TMEM164: variants seen among roughly 807,000 people sequenced by gnomAD.
TMEM164 encodes the protein transmembrane protein 164.
In TMEM164, 4 loss-of-function variants were observed where a neutral mutation model predicts 18.8. The ratio of observed to expected loss-of-function variants is 0.21; its 90% CI spans 0.10 to 0.49. The LOEUF is 0.49. Among genes scored for constraint, TMEM164 ranks in the 20% least tolerant of loss-of-function variants. TMEM164 has a pLI of 0.98. For missense variants in TMEM164, 108 were observed against 239.9 expected (o/e 0.45, Z 3.63); for synonymous variants, 86 against 101.7 (o/e 0.85, Z 0.93).
chrX:110,023,648 A>G (rs1234950734), intron 2 of TMEM164, among the ~76,000 whole-genome samples: 1 of 111,614 alleles, frequency 9.0e-6, no homozygotes, highest in Non-Finnish European at 1.9e-5. Flanking sequence ...TGTGGAATAG[A>G]TGCTATTATT....
At chrX:110,040,098 T>G (rs1472064441) in intron 2 of TMEM164, among the ~76,000 whole-genome samples, 1 of 112,250 alleles carries the variant, frequency 8.9e-6, no homozygotes, top group East Asian at 2.8e-4. Context: ...CTCTAAGGCA[T>G]TCTCTCCAAA....
chrX:110,178,631 G>A (rs2067311375), downstream of TMEM164, among the ~76,000 whole-genome samples: 1 of 112,282 alleles, frequency 8.9e-6, no homozygotes, highest in Non-Finnish European at 1.9e-5. Flanking sequence ...AATGAGGCAG[G>A]GTCTTGCAAT....
intron 4 of TMEM164, among the ~76,000 whole-genome samples, chrX:110,116,523 A>G (rs763779131): frequency 8.9e-6 from 1 of 112,213 alleles, no homozygotes; most frequent in Non-Finnish European, 1.9e-5. Context: ...TCAACTAAGT[A>G]TTGAGATTCT....
rs183204376 is a variant in TMEM164 at position 110,127,697 on chromosome X, A to T, written c.508-17101A>T. 2.1e-4 allele frequency among the ~76,000 whole-genome samples: 24 copies of T among 112,145 alleles called. No homozygotes were observed. In the East Asian group the frequency reaches 6.5e-3, roughly 30 times the overall value. On this transcript the variant is annotated intron_variant, in intron 4 of 6. Coordinates refer to ENST00000372068, the MANE Select transcript of TMEM164 (RefSeq NM_032227.4). ...GGGGGAAAGGAACAGCAAGTAGTCC[A>T]GGTAGAGGAAGAGCTAGGGTCCCCA...
chrX:110,182,160 A>G (rs1054896742), downstream of TMEM164: 3 of 111,939 alleles, frequency 2.7e-5, no homozygotes, highest in Non-Finnish European at 5.6e-5. Flanking sequence ...ATTAGAGTCA[A>G]TGAAATACTG....
At chrX:110,025,428 C>G (rs1428601362) in intron 2 of TMEM164, among the ~76,000 whole-genome samples, 2 of 111,750 alleles carry the variant, frequency 1.8e-5, no homozygotes, top group Non-Finnish European at 3.8e-5. Flanking sequence ...CAGATGGCAT[C>G]AAAACCCAAG....
At chrX:110,073,985 C>G (rs2065634431) in intron 3 of TMEM164, among the ~76,000 whole-genome samples, 1 of 110,892 alleles carries the variant, frequency 9.0e-6, no homozygotes, top group South Asian at 3.8e-4. Context: ...CCAAGTGATT[C>G]TCCTGCGTCA....
rs529191542 is a variant in TMEM164, at chrX:110,055,745, A to G, written c.391-11602A>G. On this transcript the variant is annotated intron_variant, in intron 2 of 6. Transcript: ENST00000372068. ...GCTTTGTGAAAGAAGTAGAATATTA[A>G]CATGTGAAGATGAGTCAGGAGGAGA... Among the ~76,000 whole-genome samples, 37 of 111,432 alleles carry G rather than the reference A, an allele frequency of 3.3e-4. No individual in the cohort carries two copies. In the South Asian group the frequency reaches 0.014, roughly 42 times the overall value.
intron 2 of TMEM164, among the ~76,000 whole-genome samples, chrX:110,054,663 C>T (rs1486155231): frequency 1.8e-5 from 2 of 111,703 alleles, no homozygotes; most frequent in Non-Finnish European, 3.8e-5. Flanking sequence ...GCTAGTTGGC[C>T]AGCTGCTCTG....
At chrX:110,015,179 C>A (rs957615266) in intron 2 of TMEM164, among the ~76,000 whole-genome samples, 3 of 111,565 alleles carry the variant, frequency 2.7e-5, no homozygotes, top group Non-Finnish European at 3.8e-5. Context: ...GGGCCTAGAC[C>A]TTGATCATGT....
Position 110,071,134 on chromosome X carries a change from T to G in TMEM164, c.440+3738T>G, listed in dbSNP as rs974827637. Among the ~76,000 whole-genome samples, 3 of 103,868 alleles carry G rather than the reference T, an allele frequency of 2.9e-5. No individual in the cohort carries two copies. The East Asian group carries it at 9.3e-4, about 32-fold the overall frequency. 90.2% of individuals were successfully genotyped at this position (103,868 alleles called of 115,157 possible). On this transcript the variant is annotated intron_variant, in intron 3 of 6. Transcript: ENST00000372068. The stretch of plus-strand genomic sequence containing the variant: ...ATTATACTTAAGTAGTTTTTACATT[T>G]ATGTAGAGATTTTTAAATATTTATT...
At chrX:110,048,585 G>A (rs1335293683) in intron 2 of TMEM164, among the ~76,000 whole-genome samples, 1 of 109,769 alleles carries the variant, frequency 9.1e-6, no homozygotes, top group East Asian at 2.8e-4. Flanking sequence ...CAAGTCCATA[G>A]CAGCTGTTTT....
At chrX:110,153,141 C>T (rs1379215862) in intron 5 of TMEM164, among the ~76,000 whole-genome samples, 1 of 111,930 alleles carries the variant, frequency 8.9e-6, no homozygotes, top group East Asian at 2.8e-4. Context: ...TTTGTCAAAA[C>T]TCATGTCAGT....
chrX:110,105,750 T>TGAGAGAGA (rs59866982), intron 3 of TMEM164, among the ~76,000 whole-genome samples: 197 of 72,147 alleles, frequency 2.7e-3, no homozygotes, highest in Admixed American at 0.011. Flanking sequence ...AGAGAGAGAA[T>TGAGAGAGA]GAGAGAGAGA....
chrX:110,003,443 C>T, intron 1 of TMEM164, 58 bp from the exon 2 acceptor site: 1 of 198,661 alleles, frequency 5.0e-6, no homozygotes, highest in Non-Finnish European at 9.1e-6. Context: ...TTCCTAATTC[C>T]CGGTGCAATT....
rs766206087 is a variant in TMEM164, at chrX:110,171,556, T to C, written c.687+36T>C. ...TTATATCCCCTTCTATCCCCTCTGT[T>C]TGCAGTTCTCCATAAATCTTGGTAA... On this transcript the variant is annotated intron_variant, in intron 6 of 6. Coordinates refer to ENST00000372068, the MANE Select transcript of TMEM164 (RefSeq NM_032227.4). 6.6e-6 allele frequency: 7 copies of C among 1,065,544 alleles called. No individual in the cohort carries two copies. In the South Asian group the frequency reaches 1.1e-4, roughly 17 times the overall value. 87.8% of individuals were successfully genotyped at this position (1,065,544 alleles called of 1,213,427 possible).
chrX:110,043,333 T>G (rs1053484870), intron 2 of TMEM164, among the ~76,000 whole-genome samples: 2 of 112,716 alleles, frequency 1.8e-5, no homozygotes, highest in African/African-American at 6.5e-5. Flanking sequence ...GCACATCATA[T>G]GCTAGATGTG....
At chrX:110,100,447 A>G (rs1019945030) in intron 3 of TMEM164, among the ~76,000 whole-genome samples, 1 of 112,136 alleles carries the variant, frequency 8.9e-6, no homozygotes, top group Non-Finnish European at 1.9e-5. Context: ...ATCAGTTGAT[A>G]TGATCACGTA....
At chrX:110,010,743 T>C (rs1168452625) in intron 2 of TMEM164, among the ~76,000 whole-genome samples, 7 of 111,763 alleles carry the variant, frequency 6.3e-5, no homozygotes, top group Non-Finnish European at 1.3e-4. Context: ...ACCATCTCAA[T>C]ACCTGTTAAA....
Sources: gnomAD v4.1 joint callset for allele counts (sites outside exome capture counted in the v4.1 genomes callset) on GRCh38, gnomAD v4.1.1 for gene constraint, MANE v1.5 for transcripts, NCBI Gene and HGNC (gene_info 2026-07-23, HGNC 2026-07-21) for gene names.